The following RAB27B variants were observed in gnomAD, a reference collection of about 807,000 sequenced individuals.
RAB27B encodes the protein RAB27B, member RAS oncogene family, also known as ras-related protein Rab-27B.
In RAB27B, 15 loss-of-function variants were observed where a neutral mutation model predicts 24.6. The ratio of observed to expected loss-of-function variants is 0.61; its 90% CI spans 0.41 to 0.94. The LOEUF is 0.94. Ranked by LOEUF, RAB27B falls within the 40% of genes least tolerant of loss-of-function variation. RAB27B has a pLI of 0.00. For missense variants in RAB27B, 261 were observed against 266.8 expected (o/e 0.98, Z 0.15); for synonymous variants, 105 against 92.5 (o/e 1.14, Z -0.78).
At chr18:54,884,467 G>T (rs372243840) in intron 4 of RAB27B, 31 bp downstream of exon 4, 1 of 1,427,268 alleles carries the variant, frequency 7.0e-7, no homozygotes, top group Non-Finnish European at 9.9e-7. Context: ...TGCATTGGCC[G>T]CTTTGGGACT....
intron 1 of RAB27B, among the ~76,000 whole-genome samples, chr18:54,861,571 ACTCTT>A (rs1235746125): frequency 6.6e-6 from 1 of 151,788 alleles, no homozygotes; most frequent in Non-Finnish European, 1.5e-5. Context: ...AGTGTGGTCT[ACTCTT>A]CTAGTAGCTG....
Position 54,735,784 on chromosome 18 carries a change from G to A in RAB27B, c.-20+17643G>A, listed in dbSNP as rs184638363. On this transcript the variant is annotated intron_variant, in intron 2 of 4. Coordinates refer to the RAB27B transcript ENST00000586570. The stretch of plus-strand genomic sequence containing the variant: ...TGATCCACCCACCTTGGCCTCCCAA[G>A]GTGCTGGGATTAGAGGTGTGAGTCA... Among the ~76,000 whole-genome samples, 33 of 152,176 alleles carry A rather than the reference G, an allele frequency of 2.2e-4. No homozygotes were observed. In the East Asian group the frequency reaches 3.9e-3, roughly 18 times the overall value.
intron 4 of RAB27B, among the ~76,000 whole-genome samples, chr18:54,886,833 T>C (rs1369873382): frequency 1.3e-5 from 2 of 152,144 alleles, no homozygotes. Context: ...GTTACAGAGT[T>C]AGCCTTTCTT....
chr18:54,723,691 T>A (rs186512786), intron 2 of RAB27B, among the ~76,000 whole-genome samples: 83 of 152,248 alleles, frequency 5.5e-4, no homozygotes, highest in African/African-American at 1.9e-3. Flanking sequence ...ATAGATAAAA[T>A]CCCTAGTAAC....
intron 2 of RAB27B, among the ~76,000 whole-genome samples, chr18:54,801,551 G>A (rs1568071212): frequency 6.6e-6 from 1 of 152,076 alleles, no homozygotes; most frequent in Non-Finnish European, 1.5e-5. Context: ...TAGGCCTGTT[G>A]ACCATTGAGC....
At chr18:54,758,196 T>G (rs1017591783) in intron 2 of RAB27B, among the ~76,000 whole-genome samples, 3 of 152,164 alleles carry the variant, frequency 2.0e-5, no homozygotes, top group Non-Finnish European at 4.4e-5. Context: ...ACAATTAAGA[T>G]TGTTGTCAAT....
intron 2 of RAB27B, among the ~76,000 whole-genome samples, chr18:54,722,623 G>A (rs1198777877): frequency 6.6e-6 from 1 of 152,124 alleles, no homozygotes; most frequent in Non-Finnish European, 1.5e-5. Context: ...ATAAATTTAT[G>A]GATAAAGAAG....
chr18:54,865,645 T>C (rs895998726), intron 1 of RAB27B, among the ~76,000 whole-genome samples: 1 of 152,234 alleles, frequency 6.6e-6, no homozygotes, highest in Non-Finnish European at 1.5e-5. Context: ...ATCCATTTGC[T>C]ATTTGATTTT....
intron 2 of RAB27B, among the ~76,000 whole-genome samples, chr18:54,791,652 C>T (rs141363673): frequency 9.2e-5 from 14 of 152,282 alleles, no homozygotes; most frequent in Admixed American, 1.3e-4. Context: ...TGCCTTGACG[C>T]GCAAATATTG....
intron 2 of RAB27B, among the ~76,000 whole-genome samples, chr18:54,815,743 C>T (rs1261260654): frequency 1.3e-5 from 2 of 152,146 alleles, no homozygotes; most frequent in South Asian, 2.1e-4. Context: ...ATTTACTATA[C>T]AAAAATTCTT....
intron 2 of RAB27B, among the ~76,000 whole-genome samples, chr18:54,788,572 T>A (rs1167868082): frequency 2.0e-5 from 3 of 152,174 alleles, no homozygotes; most frequent in Non-Finnish European, 4.4e-5. Context: ...CAAAGTGCTG[T>A]GATTACAGGC....
At chr18:54,889,179 C>A in intron 5 of RAB27B, 45 bp from the exon 6 acceptor site, 1 of 1,546,566 alleles carries the variant, frequency 6.5e-7, no homozygotes, top group South Asian at 1.3e-5. Flanking sequence ...TGTATCTGTT[C>A]TGATTTCTTC....
At chr18:54,762,774 A>C (rs986385347) in intron 2 of RAB27B, among the ~76,000 whole-genome samples, 3 of 151,998 alleles carry the variant, frequency 2.0e-5, no homozygotes, top group Admixed American at 6.6e-5. Context: ...CTGCTTTATT[A>C]TTCTTCTCAG....
chr18:54,731,319 G>C (rs1598863581), intron 2 of RAB27B, among the ~76,000 whole-genome samples: 1 of 152,242 alleles, frequency 6.6e-6, no homozygotes, highest in Non-Finnish European at 1.5e-5. Flanking sequence ...CATAGTCATA[G>C]TGAGAGATTT....
At chr18:54,788,385 C>T (rs1909153843) in intron 2 of RAB27B, among the ~76,000 whole-genome samples, 1 of 152,308 alleles carries the variant, frequency 6.6e-6, no homozygotes, top group Admixed American at 6.5e-5. Context: ...TCACTGCAAA[C>T]CCTGCCTCCT....
At chr18:54,822,253 A>G (rs549479881) in intron 2 of RAB27B, among the ~76,000 whole-genome samples, 1 of 152,234 alleles carries the variant, frequency 6.6e-6, no homozygotes, top group African/African-American at 2.4e-5. Flanking sequence ...TTGAAATTAT[A>G]TTAATCAATG....
chr18:54,723,751 T>A (rs1054186827), intron 2 of RAB27B, among the ~76,000 whole-genome samples: 4 of 152,186 alleles, frequency 2.6e-5, no homozygotes, highest in African/African-American at 9.7e-5. Context: ...GCAGCTTGCA[T>A]AATTTTTCTC....
chr18:54,774,726 CTG>C (rs769066429), intron 2 of RAB27B, among the ~76,000 whole-genome samples: 1 of 152,224 alleles, frequency 6.6e-6, no homozygotes, highest in African/African-American at 2.4e-5. Flanking sequence ...TAAAGAAACA[CTG>C]TTCAACAATT....
intron 2 of RAB27B, among the ~76,000 whole-genome samples, chr18:54,822,042 C>A (rs957971819): frequency 6.6e-6 from 1 of 152,182 alleles, no homozygotes; most frequent in Non-Finnish European, 1.5e-5. Flanking sequence ...AGTGGGCTAC[C>A]ATGCCCAGTC....
Sources: allele counts gnomAD v4.1 joint callset (sites outside exome capture counted in the v4.1 genomes callset), GRCh38; gene constraint gnomAD v4.1.1; transcripts MANE v1.5; gene names NCBI Gene and HGNC (gene_info 2026-07-23, HGNC 2026-07-21).